B3GALT1: variants seen among roughly 807,000 people sequenced by gnomAD.
The protein encoded by B3GALT1 is UDP-Gal:betaGlcNAc beta 1,3-galactosyltransferase, polypeptide 1.
B3GALT1 carries 10 observed loss-of-function variants against 23.2 expected under a neutral mutation model. The ratio of observed to expected loss-of-function variants is 0.43; its 90% CI spans 0.27 to 0.73. The LOEUF is 0.73. B3GALT1 is among the 30% of genes least tolerant of loss of function. The pLI, the probability that B3GALT1 is intolerant of heterozygous loss-of-function variation, is 0.21. For synonymous variants in B3GALT1, 156 were observed against 141.5 expected (o/e 1.10, Z -0.73); for missense variants, 299 against 405.4 (o/e 0.74, Z 2.25).
chr2:167,523,070 A>G (rs1683128328), intron 2 of B3GALT1, among the ~76,000 whole-genome samples: 2 of 152,112 alleles, frequency 1.3e-5, no homozygotes, highest in Admixed American at 1.3e-4. Context: ...ACTCCCCAGA[A>G]AAGCATCTGC....
chr2:167,815,436 T>G (rs1310081337), intron 3 of B3GALT1, among the ~76,000 whole-genome samples: 1 of 152,184 alleles, frequency 6.6e-6, no homozygotes, highest in African/African-American at 2.4e-5. Flanking sequence ...TTGGTCCTTA[T>G]TTAAGTCCTT....
intron 1 of B3GALT1, among the ~76,000 whole-genome samples, chr2:167,331,357 C>T (rs554022346): frequency 6.0e-4 from 91 of 152,252 alleles, no homozygotes; most frequent in African/African-American, 2.0e-3. Context: ...GGGATGATGG[C>T]AGCAGTGGGC....
intron 2 of B3GALT1, among the ~76,000 whole-genome samples, chr2:167,552,103 T>A (rs1189818810): frequency 6.6e-6 from 1 of 152,186 alleles, no homozygotes; most frequent in African/African-American, 2.4e-5. Flanking sequence ...TTGCTTGCAA[T>A]GGAAAATTCT....
chr2:167,688,060 A>G (rs2029078), intron 3 of B3GALT1, among the ~76,000 whole-genome samples: 34,069 of 152,040 alleles, frequency 0.22, 4,539 homozygotes, highest in Admixed American at 0.3. Flanking sequence ...CACACTATAC[A>G]TATTGTAATA....
At chr2:167,745,732 T>C (rs188371302) in intron 3 of B3GALT1, among the ~76,000 whole-genome samples, 77 of 152,312 alleles carry the variant, frequency 5.1e-4, no homozygotes, top group African/African-American at 1.8e-3. Flanking sequence ...TTCTGCAGTT[T>C]TACTGGATAT....
At chr2:167,355,774 T>C (rs994766761) in intron 1 of B3GALT1, among the ~76,000 whole-genome samples, 5 of 152,210 alleles carry the variant, frequency 3.3e-5, no homozygotes, top group African/African-American at 9.6e-5. Flanking sequence ...GTTTAAAATA[T>C]GTGCAATTAC....
At chr2:167,616,694 C>CAATAAATAAATA (rs547824482) in intron 2 of B3GALT1, among the ~76,000 whole-genome samples, 85 of 151,582 alleles carry the variant, frequency 5.6e-4, no homozygotes, top group African/African-American at 2.0e-3. Flanking sequence ...GACCCTGTCT[C>CAATAAATAAATA]AATAAATAAA....
At chr2:167,316,153 A>C (rs1696714406) in intron 1 of B3GALT1, among the ~76,000 whole-genome samples, 1 of 151,290 alleles carries the variant, frequency 6.6e-6, no homozygotes, top group African/African-American at 2.4e-5. Flanking sequence ...TTTGGTGCAA[A>C]AGGTGCCATG....
At chr2:167,713,241 CAT>C (rs1687090304) in intron 3 of B3GALT1, among the ~76,000 whole-genome samples, 1 of 152,138 alleles carries the variant, frequency 6.6e-6, no homozygotes, top group African/African-American at 2.4e-5. Flanking sequence ...ACTGCAAGAA[CAT>C]GTATAAATTC....
intron 4 of B3GALT1, among the ~76,000 whole-genome samples, chr2:167,820,788 A>G (rs140465213): frequency 5.3e-5 from 8 of 152,372 alleles, no homozygotes; most frequent in Admixed American, 5.2e-4. Context: ...ATTGAAAGAT[A>G]GCCATTATGG....
At chr2:167,669,653 A>G (rs895120635) in intron 3 of B3GALT1, among the ~76,000 whole-genome samples, 12 of 152,390 alleles carry the variant, frequency 7.9e-5, no homozygotes, top group Middle Eastern at 6.8e-3. Context: ...TTGTACATTT[A>G]CACTTTAGAA....
At chr2:167,607,116 C>A (rs1489403402) in intron 2 of B3GALT1, among the ~76,000 whole-genome samples, 1 of 151,982 alleles carries the variant, frequency 6.6e-6, no homozygotes, top group African/African-American at 2.4e-5. Context: ...GCTGAATTAA[C>A]AAGAAGAAAA....
At chr2:167,367,652 A>G (rs1187490049) in intron 1 of B3GALT1, among the ~76,000 whole-genome samples, 1 of 152,190 alleles carries the variant, frequency 6.6e-6, no homozygotes, top group African/African-American at 2.4e-5. Flanking sequence ...ACGACTTTAC[A>G]TCTGGGAAAG....
intron 3 of B3GALT1, among the ~76,000 whole-genome samples, chr2:167,749,530 A>G (rs1046370296): frequency 2.0e-5 from 3 of 152,318 alleles, no homozygotes; most frequent in Admixed American, 6.5e-5. Context: ...TCCAATAACT[A>G]TATATTTTAA....
chr2:167,335,601 A>G (rs946344176), intron 1 of B3GALT1, among the ~76,000 whole-genome samples: 1 of 152,156 alleles, frequency 6.6e-6, no homozygotes, highest in African/African-American at 2.4e-5. Context: ...TCCCCTTTTT[A>G]GACCATATAT....
At chr2:167,857,870 C>T (rs1021899993) in intron 4 of B3GALT1, among the ~76,000 whole-genome samples, 1 of 152,042 alleles carries the variant, frequency 6.6e-6, no homozygotes, top group Admixed American at 6.6e-5. Flanking sequence ...CTAAGTCCCT[C>T]CATTAAGTGA....
chr2:167,502,062 G>A (rs535192412), intron 2 of B3GALT1, among the ~76,000 whole-genome samples: 72 of 152,176 alleles, frequency 4.7e-4, no homozygotes, highest in African/African-American at 1.6e-3. Flanking sequence ...ATGGTGGTTC[G>A]TTCATTCATT....
intron 3 of B3GALT1, among the ~76,000 whole-genome samples, chr2:167,662,697 G>A (rs1479549357): frequency 6.6e-6 from 1 of 151,492 alleles, no homozygotes; most frequent in Non-Finnish European, 1.5e-5. Flanking sequence ...TGACATAGAG[G>A]AAAAGTGAAA....
chr2:167,744,123 G>A (rs1687616762), intron 3 of B3GALT1, among the ~76,000 whole-genome samples: 1 of 152,032 alleles, frequency 6.6e-6, no homozygotes, highest in South Asian at 2.1e-4. Context: ...CAGAGAAAAT[G>A]GCCTATGAGT....
Sources: allele counts gnomAD v4.1 joint callset (sites outside exome capture counted in the v4.1 genomes callset), GRCh38; gene constraint gnomAD v4.1.1; transcripts MANE v1.5; gene names NCBI Gene and HGNC (gene_info 2026-07-23, HGNC 2026-07-21).